Variants in ESRRG observed in about 807,000 individuals in gnomAD.
The protein encoded by ESRRG is estrogen related receptor gamma.
Under a neutral mutation model 44.0 loss-of-function variants are expected in ESRRG, and 13 were observed. The observed-to-expected ratio is 0.30, with a 90% CI of 0.19 to 0.47. The LOEUF (loss-of-function observed/expected upper bound fraction) is 0.47, where lower values mean the gene tolerates loss of function less well. Among genes scored for constraint, ESRRG ranks in the 20% least tolerant of loss-of-function variants. ESRRG has a pLI of 1.00. For missense variants in ESRRG, 395 were observed against 580.6 expected (o/e 0.68, Z 3.29); for synonymous variants, 215 against 214.6 (o/e 1.00, Z -0.02).
At chr1:216,986,232 T>A (rs1023776092) in intron 1 of ESRRG, among the ~76,000 whole-genome samples, 1 of 152,214 alleles carries the variant, frequency 6.6e-6, no homozygotes, top group African/African-American at 2.4e-5. Context: ...TTTCATAGTT[T>A]ATATTTAGGT....
chr1:216,752,704 CT>C (rs890300543), intron 2 of ESRRG, among the ~76,000 whole-genome samples: 6 of 152,018 alleles, frequency 3.9e-5, no homozygotes, highest in African/African-American at 1.4e-4. Flanking sequence ...TCTTCCTATA[CT>C]AGGGTATTTT....
In ESRRG at chr1:216,720,845, T is replaced by C. The variant is rs143143588; in HGVS notation, c.56+2399A>G. Among the ~76,000 whole-genome samples, 685 of 152,260 alleles carry C rather than the reference T, an allele frequency of 4.5e-3. 4 individuals are homozygous for C. Among genetic ancestry groups the C allele is most frequent in the African/African-American group, 0.015 (621 of 41,546 alleles). ...ATCAGGCTGAAATTTACTAAACTGT[T>C]CCCTCCTCGCCTTGTCTGTTTTGGA... On this transcript the variant is annotated intron_variant, in intron 1 of 6. Transcript: ENST00000408911.
intron 2 of ESRRG, among the ~76,000 whole-genome samples, chr1:216,767,681 G>A (rs1440948366): frequency 6.6e-6 from 1 of 152,120 alleles, no homozygotes; most frequent in Non-Finnish European, 1.5e-5. Flanking sequence ...TGTACAAATG[G>A]CACAAGAGAA....
intron 2 of ESRRG, among the ~76,000 whole-genome samples, chr1:216,837,453 A>G (rs777225584): frequency 6.6e-6 from 1 of 152,132 alleles, no homozygotes; most frequent in Admixed American, 6.6e-5. Flanking sequence ...TCCAATTTTT[A>G]GAATATTAAA....
intron 2 of ESRRG, among the ~76,000 whole-genome samples, chr1:216,841,534 A>G (rs1024166187): frequency 8.6e-5 from 13 of 151,466 alleles, no homozygotes; most frequent in African/African-American, 2.7e-4. Flanking sequence ...ACATAAAGGA[A>G]CAAGGTCTAG....
chr1:216,969,028 T>C (rs1012109406), intron 1 of ESRRG, among the ~76,000 whole-genome samples: 1 of 152,224 alleles, frequency 6.6e-6, no homozygotes, highest in Admixed American at 6.6e-5. Context: ...CCACTCTTTC[T>C]AGACTAACTC....
intron 2 of ESRRG, among the ~76,000 whole-genome samples, chr1:216,828,263 C>A (rs1237297026): frequency 1.3e-5 from 2 of 152,116 alleles, no homozygotes; most frequent in African/African-American, 2.4e-5. Flanking sequence ...ATATATTCTG[C>A]AAATTTAAGG....
At position 216,643,846 on chromosome 1, in the gene ESRRG, G is replaced by T. The variant is rs554779683; in HGVS notation, c.589+7127C>A. Among the ~76,000 whole-genome samples, 20 of 152,196 alleles carry T rather than the reference G, an allele frequency of 1.3e-4. No homozygotes were observed. The South Asian group carries it at 4.2e-3, about 32-fold the overall frequency. ...ACCCCTTGTTAGACTCATAAACTCT[G>T]CTGCTTATTGGGATTTCCAGGACTT... On this transcript the variant is annotated intron_variant, in intron 3 of 6. Coordinates refer to ENST00000408911, the MANE Select transcript of ESRRG (RefSeq NM_001438.4).
chr1:217,094,570 A>G (rs138642934), upstream of ESRRG, among the ~76,000 whole-genome samples: 47 of 152,354 alleles, frequency 3.1e-4, no homozygotes, highest in Admixed American at 9.8e-4. Flanking sequence ...GACAGACTCT[A>G]CCAATACAAC....
chr1:216,990,836 G>A (rs1579154092), intron 1 of ESRRG, among the ~76,000 whole-genome samples: 1 of 152,140 alleles, frequency 6.6e-6, no homozygotes, highest in South Asian at 2.1e-4. Context: ...TAAGTTTAGA[G>A]GAGTCAAAAA....
intron 2 of ESRRG, among the ~76,000 whole-genome samples, chr1:216,798,966 TC>T (rs2094544285): frequency 6.6e-6 from 1 of 152,166 alleles, no homozygotes; most frequent in African/African-American, 2.4e-5. Context: ...TAGACCTAAA[TC>T]AGCTGGAGAA....
chr1:216,767,945 T>G (rs1249899309), intron 2 of ESRRG, among the ~76,000 whole-genome samples: 1 of 152,086 alleles, frequency 6.6e-6, no homozygotes, highest in Non-Finnish European at 1.5e-5. Flanking sequence ...AAAATAAAAT[T>G]TTTAAAGTCA....
chr1:216,909,240 CTA>C (rs1560070076), intron 2 of ESRRG, among the ~76,000 whole-genome samples: 1 of 152,132 alleles, frequency 6.6e-6, no homozygotes, highest in African/African-American at 2.4e-5. Context: ...GCAGTGATAA[CTA>C]TAAAATCTCA....
At chr1:217,059,031 T>C (rs1304045307) in intron 1 of ESRRG, among the ~76,000 whole-genome samples, 3 of 148,502 alleles carry the variant, frequency 2.0e-5, no homozygotes, top group Non-Finnish European at 3.0e-5. Flanking sequence ...AAATAAATTA[T>C]AGCATATTAT....
At chr1:216,907,250 G>A (rs1297416520) in intron 2 of ESRRG, among the ~76,000 whole-genome samples, 1 of 152,132 alleles carries the variant, frequency 6.6e-6, no homozygotes, top group East Asian at 1.9e-4. Flanking sequence ...AGCCATTACC[G>A]AGTGACAGGA....
intron 1 of ESRRG, among the ~76,000 whole-genome samples, chr1:216,965,486 AG>A (rs2070119517): frequency 6.6e-6 from 1 of 152,178 alleles, no homozygotes; most frequent in African/African-American, 2.4e-5. Context: ...CCAGGGCACG[AG>A]AGGCCCTGAC....
chr1:216,531,697 C>G (rs2049418305), intron 5 of ESRRG, among the ~76,000 whole-genome samples: 1 of 152,080 alleles, frequency 6.6e-6, no homozygotes, highest in African/African-American at 2.4e-5. Context: ...ATACACAAAC[C>G]AAACCTGTGC....
chr1:216,731,911 C>T (rs983521046), intron 2 of ESRRG, among the ~76,000 whole-genome samples: 2 of 152,096 alleles, frequency 1.3e-5, no homozygotes, highest in African/African-American at 4.8e-5. Flanking sequence ...CTAAATAAAT[C>T]AAAGACCATT....
chr1:217,134,201 A>G (rs879309218), intron 1 of ESRRG, among the ~76,000 whole-genome samples: 2 of 152,076 alleles, frequency 1.3e-5, no homozygotes, highest in Non-Finnish European at 2.9e-5. Flanking sequence ...ATGGTTTGTG[A>G]CGGGGAACTT....
Sources: gnomAD v4.1 joint callset for allele counts (sites outside exome capture counted in the v4.1 genomes callset) on GRCh38, gnomAD v4.1.1 for gene constraint, MANE v1.5 for transcripts, NCBI Gene and HGNC (gene_info 2026-07-23, HGNC 2026-07-21) for gene names.